Variants in ABI3BP observed in about 807,000 individuals in gnomAD.
ABI3BP encodes ABI family member 3 binding protein, also known as target of Nesh-SH3.
A neutral mutation model predicts 268.6 loss-of-function variants in ABI3BP; 216 were observed. The observed-to-expected ratio is 0.80, with a 90% CI of 0.72 to 0.90. The LOEUF is 0.90. Ranked by LOEUF, ABI3BP falls within the 40% of genes least tolerant of loss-of-function variation. ABI3BP has a pLI of 0.00. For missense variants in ABI3BP, 2,090 were observed against 2,182.4 expected (o/e 0.96, Z 0.84); for synonymous variants, 730 against 730.0 (o/e 1.00, Z 0.00).
chr3:100,854,557 G>A (rs902898387), intron 14 of ABI3BP, among the ~76,000 whole-genome samples: 7 of 152,194 alleles, frequency 4.6e-5, no homozygotes, highest in Admixed American at 2.0e-4. Flanking sequence ...AAGTAGCCAA[G>A]AGTTAAGGGT....
At chr3:100,894,955 A>AAAAAAAAAAAAAAAAAAAAC (rs2046792687) in intron 4 of ABI3BP, among the ~76,000 whole-genome samples, 1 of 143,606 alleles carries the variant, frequency 7.0e-6, no homozygotes, top group Non-Finnish European at 1.5e-5. Flanking sequence ...AAAAAAAAAA[A>AAAAAAAAAAAAAAAAAAAAC]AAAAAAAAAA....
At chr3:100,902,239 AG>A (rs1394973132) in intron 3 of ABI3BP, among the ~76,000 whole-genome samples, 2 of 152,248 alleles carry the variant, frequency 1.3e-5, no homozygotes, top group African/African-American at 4.8e-5. Context: ...AGTGAGCATG[AG>A]TTCACACACT....
Position 100,928,131 on chromosome 3 carries a change from A to G in ABI3BP, c.80-1650T>C, listed in dbSNP as rs550273307. Among the ~76,000 whole-genome samples, 9 of 152,038 alleles carry G rather than the reference A, an allele frequency of 5.9e-5. No individual in the cohort carries two copies. The South Asian group carries it at 1.9e-3, about 32-fold the overall frequency. ...CCATTGAGGAAGTTATGTAATATATAATCTTGGCATCCTAGTTCTTTTCTA... is the reference window on the plus strand; with the variant it reads ...CCATTGAGGAAGTTATGTAATATATGATCTTGGCATCCTAGTTCTTTTCTA... On this transcript the variant is annotated intron_variant, in intron 1 of 67. Coordinates refer to ENST00000471714, the MANE Select transcript of ABI3BP (RefSeq NM_001375547.2).
chr3:100,850,606 T>C lies in ABI3BP; in HGVS notation c.1426+54A>G, dbSNP rs1345912536. 4 of 1,370,966 alleles carry C rather than the reference T, an allele frequency of 2.9e-6. No individual in the cohort carries two copies. The African/African-American group carries it at 5.8e-5, about 20-fold the overall frequency. The allele number at this position is 1,370,966 out of a possible 1,614,324, so 84.9% of individuals were successfully genotyped here. A position where few individuals can be genotyped will look rare whatever the true frequency, so the allele number is the denominator to read the frequency against. On this transcript the variant is annotated intron_variant, in intron 16 of 67. Coordinates refer to ENST00000471714, the MANE Select transcript of ABI3BP (RefSeq NM_001375547.2). ...GTCATTTGGAAGAAAGGCATTCACA[T>C]GATTTTTTTTTTTGATGGAAAATAA...
intron 67 of ABI3BP, among the ~76,000 whole-genome samples, chr3:100,751,076 A>C (rs1559768858): frequency 6.6e-6 from 1 of 152,140 alleles, no homozygotes; most frequent in Non-Finnish European, 1.5e-5. Context: ...TCCTCATTAC[A>C]CAGCTTGGTG....
intron 2 of ABI3BP, among the ~76,000 whole-genome samples, chr3:100,917,187 G>A (rs1027174362): frequency 6.6e-6 from 1 of 152,178 alleles, no homozygotes. Flanking sequence ...CAGGGAAGGT[G>A]AGACTCAGCT....
At chr3:100,857,095 T>A (rs540684451) in intron 14 of ABI3BP, among the ~76,000 whole-genome samples, 13 of 152,048 alleles carry the variant, frequency 8.5e-5, no homozygotes, top group African/African-American at 2.9e-4. Context: ...ATTCTCAAAC[T>A]TTTTTTTACA....
At chr3:100,900,007 G>C (rs534474066) in intron 3 of ABI3BP, among the ~76,000 whole-genome samples, 4 of 152,286 alleles carry the variant, frequency 2.6e-5, no homozygotes, top group African/African-American at 9.6e-5. Flanking sequence ...TTAAATTTAA[G>C]TTCTGTAAGT....
chr3:100,844,275 C>A (rs1342242867), intron 20 of ABI3BP: 1 of 985,288 alleles, frequency 1.0e-6, no homozygotes, highest in Non-Finnish European at 1.2e-6. Context: ...ATTGGGGGCA[C>A]CCCCTTATTT....
At chr3:100,850,569 T>C (rs2098826196) in intron 16 of ABI3BP, 91 bp downstream of exon 16, 2 of 911,024 alleles carry the variant, frequency 2.2e-6, no homozygotes, top group East Asian at 2.4e-5. Flanking sequence ...TTAGATGTGA[T>C]GGAATGAAAT....
chr3:100,757,024 T>C (rs926452754), intron 63 of ABI3BP, among the ~76,000 whole-genome samples: 2 of 151,992 alleles, frequency 1.3e-5, no homozygotes, highest in South Asian at 4.1e-4. Flanking sequence ...AAAATAAAAT[T>C]TAAAGTTTCA....
intron 37 of ABI3BP, 49 bp from the exon 38 acceptor site, chr3:100,822,721 T>G (rs1353007472): frequency 6.7e-7 from 1 of 1,488,890 alleles, no homozygotes; most frequent in East Asian, 2.5e-5. Context: ...TATCTATGAT[T>G]CTGGAAGCTG....
intron 1 of ABI3BP, among the ~76,000 whole-genome samples, chr3:100,978,530 C>G (rs2087486288): frequency 6.6e-6 from 1 of 152,234 alleles, no homozygotes; most frequent in Admixed American, 6.5e-5. Flanking sequence ...CATTACTCAC[C>G]ACCAAACAAG....
In ABI3BP at chr3:100,821,059, G is replaced by T; in HGVS notation, c.2942C>A (p.Thr981Lys). ...GGATTGCAACGTGCTATTACCTTGTGTTGTCACCCAAGTCTCAGTTCTGAG... is the reference window on the plus strand; with the variant it reads ...GGATTGCAACGTGCTATTACCTTGTTTTGTCACCCAAGTCTCAGTTCTGAG... Reference protein sequence around the residue: ...VTLRTETWVTTQAPKTSQRTR... With the variant: ...VTLRTETWVTKQAPKTSQRTR... The change falls in exon 39 of 68, where the codon ACA becomes AAA. Residue 981 changes from threonine (T) to lysine (K), a missense_variant. Coordinates refer to ENST00000471714, the MANE Select transcript of ABI3BP (RefSeq NM_001375547.2). 6.5e-7 allele frequency: 1 copy of T among 1,535,718 alleles called. No homozygotes were observed. Among genetic ancestry groups the T allele is most frequent in the South Asian group, 1.2e-5 (1 of 84,052 alleles).
intron 1 of ABI3BP, among the ~76,000 whole-genome samples, chr3:100,981,393 C>T (rs1307469977): frequency 6.6e-6 from 1 of 151,972 alleles, no homozygotes; most frequent in Non-Finnish European, 1.5e-5. Context: ...TCTGAAGACT[C>T]TCATCATGTT....
Position 100,837,093 on chromosome 3 carries a change from C to T in ABI3BP, c.2131+31G>A, listed in dbSNP as rs1047531580. On this transcript the variant is annotated intron_variant, in intron 27 of 67. Transcript: ENST00000471714. ...GATGAGAGGCGCAAGCTCAGAGAAA[C>T]ATTGGCCAAGAAGGAAGAAAGCATC... The T allele has an allele frequency of 2.0e-6, 3 of 1,514,450 alleles. No homozygotes were observed. The African/African-American group carries it at 4.2e-5, about 21-fold the overall frequency. The allele number at this position is 1,514,450 out of a possible 1,614,324, so 93.8% of individuals were successfully genotyped here. A position where few individuals can be genotyped will look rare whatever the true frequency, so the allele number is the denominator to read the frequency against.
intron 65 of ABI3BP, among the ~76,000 whole-genome samples, chr3:100,753,550 T>TC (rs781316513): frequency 3.3e-5 from 5 of 152,092 alleles, no homozygotes; most frequent in Non-Finnish European, 4.4e-5. Context: ...CCTCAGCCTC[T>TC]CAGAGTGCTG....
intron 14 of ABI3BP, among the ~76,000 whole-genome samples, chr3:100,852,551 G>A (rs190709045): frequency 8.5e-5 from 13 of 152,276 alleles, no homozygotes; most frequent in Admixed American, 2.0e-4. Context: ...GTGGTTTATA[G>A]CATGAACACA....
intron 33 of ABI3BP, among the ~76,000 whole-genome samples, chr3:100,828,785 C>A (rs2098435076): frequency 6.6e-6 from 1 of 152,108 alleles, no homozygotes; most frequent in Non-Finnish European, 1.5e-5. Context: ...ATCTTTGGAA[C>A]AAGACCATGA....
Sources: allele counts gnomAD v4.1 joint callset (sites outside exome capture counted in the v4.1 genomes callset), GRCh38; gene constraint gnomAD v4.1.1; transcripts MANE v1.5; gene names NCBI Gene and HGNC (gene_info 2026-07-23, HGNC 2026-07-21).